GPAT3: variants seen among roughly 807,000 people sequenced by gnomAD.
GPAT3 encodes glycerol-3-phosphate acyltransferase 3.
GPAT3 carries 53 observed loss-of-function variants against 58.8 expected under a neutral mutation model. The observed-to-expected ratio is 0.90, with a 90% CI of 0.72 to 1.13. The LOEUF is 1.13. Among genes scored for constraint, GPAT3 ranks in the 50% most tolerant of loss-of-function variants. The probability of loss-of-function intolerance (pLI) is 0.00; values close to 1 mark genes in which losing one functional copy is unlikely to be tolerated. For missense variants in GPAT3, 511 were observed against 527.6 expected (o/e 0.97, Z 0.31); for synonymous variants, 197 against 187.4 (o/e 1.05, Z -0.42).
chr4:83,542,946 C>T (rs1301775471), intron 1 of GPAT3, among the ~76,000 whole-genome samples: 3 of 151,920 alleles, frequency 2.0e-5, no homozygotes, highest in African/African-American at 7.3e-5. Flanking sequence ...TGCAGTGAGC[C>T]GAGATCATGC....
chr4:83,604,575 C>T (rs193259185), intron 11 of GPAT3, 93 bp from the exon 12 acceptor site: 12 of 921,784 alleles, frequency 1.3e-5, no homozygotes, highest in Admixed American at 5.5e-5. Context: ...GCTGCCTAAG[C>T]GTCATGGTAT....
intron 9 of GPAT3, 29 bp downstream of exon 9, chr4:83,597,544 A>G (rs1162487355): frequency 3.7e-6 from 5 of 1,346,190 alleles, no homozygotes; most frequent in Non-Finnish European, 5.1e-6. Context: ...TAAGAATAAT[A>G]ATTATTATAA....
intron 4 of GPAT3, 74 bp downstream of exon 4, chr4:83,587,403 T>A: frequency 7.6e-7 from 1 of 1,309,298 alleles, no homozygotes; most frequent in Non-Finnish European, 1.1e-6. Flanking sequence ...AGAGAATATT[T>A]GTTTGATTCC....
intron 1 of GPAT3, among the ~76,000 whole-genome samples, chr4:83,541,393 C>CATT (rs1724298572): frequency 1.8e-5 from 2 of 113,692 alleles, no homozygotes. Context: ...AATTTAAAAC[C>CATT]TTTTTTTTTT....
chr4:83,578,968 C>CTT (rs1258433658), intron 2 of GPAT3, among the ~76,000 whole-genome samples: 3 of 95,174 alleles, frequency 3.2e-5, no homozygotes, highest in East Asian at 3.1e-4. Flanking sequence ...TTCTTTCTTT[C>CTT]TTTCTTTCTT....
intron 2 of GPAT3, among the ~76,000 whole-genome samples, chr4:83,546,899 C>A (rs1724540279): frequency 6.6e-6 from 1 of 152,012 alleles, no homozygotes; most frequent in Non-Finnish European, 1.5e-5. Context: ...CTTGGGTATC[C>A]AGGGGTACTT....
chr4:83,566,419 T>TTATTATTA (rs141548038), intron 2 of GPAT3, among the ~76,000 whole-genome samples: 5 of 143,592 alleles, frequency 3.5e-5, no homozygotes, highest in South Asian at 2.2e-4. Flanking sequence ...AATTAATTAA[T>TTATTATTA]TTATTATTAT....
chr4:83,565,642 C>T (rs1280270149), intron 2 of GPAT3, among the ~76,000 whole-genome samples: 2 of 152,126 alleles, frequency 1.3e-5, no homozygotes, highest in Admixed American at 6.5e-5. Context: ...ATTACAGGCA[C>T]CTGCCATCAT....
rs139730023 is a variant in GPAT3 at position 83,545,360 on chromosome 4, C to G, written c.208+758C>G. 1.3e-3 allele frequency among the ~76,000 whole-genome samples: 196 copies of G among 151,666 alleles called. 1 individual carries two copies. Among genetic ancestry groups the G allele is most frequent in the African/African-American group, 4.5e-3 (186 of 41,340 alleles). ...GAGTGGGGTCCTGAGGTGGGAGGATCACTTGAACCCTGGAAGTTGAGGCTG... is the reference window on the plus strand; with the variant it reads ...GAGTGGGGTCCTGAGGTGGGAGGATGACTTGAACCCTGGAAGTTGAGGCTG... On this transcript the variant is annotated intron_variant, in intron 2 of 11. Transcript: ENST00000264409.
At chr4:83,598,751 C>CTCTTTTTTTTT in intron 11 of GPAT3, 28 bp downstream of exon 11, 1 of 150,718 alleles carries the variant, frequency 6.6e-6, no homozygotes, top group Non-Finnish European at 1.2e-5. Context: ...AGTACTATCA[C>CTCTTTTTTTTT]TTTTTTTTTT....
chr4:83,541,725 G>C (rs745735329), intron 1 of GPAT3, among the ~76,000 whole-genome samples: 9 of 152,280 alleles, frequency 5.9e-5, no homozygotes, highest in South Asian at 2.1e-4. Flanking sequence ...CCACAGACTG[G>C]TGGCCTAAAC....
intron 2 of GPAT3, among the ~76,000 whole-genome samples, chr4:83,562,190 T>TATATATATAATATATATATATTATATATA (rs1725161499): frequency 1.1e-5 from 1 of 87,382 alleles, no homozygotes; most frequent in Non-Finnish European, 2.0e-5. Context: ...TATATATATA[T>TATATATATAATATATATATATTATATATA]ATATATATAA....
intron 2 of GPAT3, among the ~76,000 whole-genome samples, chr4:83,573,269 G>T (rs893410504): frequency 4.6e-5 from 7 of 152,116 alleles, no homozygotes; most frequent in African/African-American, 1.7e-4. Context: ...CTCCTGAGTA[G>T]CTGGGACTAC....
rs1161859522 is a variant in GPAT3 at position 83,598,697 on chromosome 4, A to G, written c.1179A>G (p.Ile393Met). 1 of 1,575,188 alleles carries G rather than the reference A, an allele frequency of 6.3e-7. No homozygotes were observed. The change falls in exon 11 of 12, where the codon ATA becomes ATG. Residue 393 changes from isoleucine to methionine, a missense_variant. Ile to Met is a conservative substitution (Grantham distance 10). Transcript: ENST00000264409. ...ACAGGGTTAAGTCTGCTATTGCTAT[A>G]CAAGGAGGCCTGACTGAACTTCCCT... ...FANRVKSAIA[I>M]QGGLTELPWD...
At chr4:83,597,971 G>T in intron 9 of GPAT3, 80 bp from the exon 10 acceptor site, 2 of 1,537,344 alleles carry the variant, frequency 1.3e-6, no homozygotes, top group Non-Finnish European at 1.8e-6. Flanking sequence ...AAGCTGTTTG[G>T]CCTACCACCT....
intron 2 of GPAT3, among the ~76,000 whole-genome samples, chr4:83,555,976 T>C (rs1474372454): frequency 1.3e-5 from 2 of 152,244 alleles, no homozygotes; most frequent in African/African-American, 2.4e-5. Context: ...GTTTGTTTTT[T>C]TCTTATTATA....
At chr4:83,579,919 C>T (rs1726044287) in intron 2 of GPAT3, among the ~76,000 whole-genome samples, 1 of 152,212 alleles carries the variant, frequency 6.6e-6, no homozygotes, top group Non-Finnish European at 1.5e-5. Context: ...CCATTTTCCT[C>T]ATTGATTTCC....
intron 2 of GPAT3, among the ~76,000 whole-genome samples, chr4:83,570,858 G>C (rs773649285): frequency 6.6e-6 from 1 of 152,066 alleles, no homozygotes; most frequent in Non-Finnish European, 1.5e-5. Context: ...CACATATTCA[G>C]TGTTCAGATA....
chr4:83,577,892 C>G (rs143063266), intron 2 of GPAT3, among the ~76,000 whole-genome samples: 1 of 149,948 alleles, frequency 6.7e-6, no homozygotes, highest in Non-Finnish European at 1.5e-5. Context: ...CCTCACCTCC[C>G]GGATTCAAGT....
Sources: allele counts gnomAD v4.1 joint callset (sites outside exome capture counted in the v4.1 genomes callset), GRCh38; gene constraint gnomAD v4.1.1; transcripts MANE v1.5; gene names NCBI Gene and HGNC (gene_info 2026-07-23, HGNC 2026-07-21).